The following DPP6 variants were observed in gnomAD, a reference collection of about 807,000 sequenced individuals.
DPP6 encodes the protein dipeptidyl peptidase like 6.
In DPP6, 69 loss-of-function variants were observed where a neutral mutation model predicts 122.6. The observed-to-expected ratio is 0.56, with a 90% CI of 0.46 to 0.69. The LOEUF (loss-of-function observed/expected upper bound fraction) is 0.69. Among genes scored for constraint, DPP6 ranks in the 30% least tolerant of loss-of-function variants. DPP6 has a pLI of 0.00. For missense variants in DPP6, 928 were observed against 1,116.9 expected (o/e 0.83, Z 2.41); for synonymous variants, 418 against 433.1 (o/e 0.97, Z 0.43).
intron 2 of DPP6, among the ~76,000 whole-genome samples, chr7:154,451,059 A>G (rs879575534): frequency 6.6e-6 from 1 of 151,990 alleles, no homozygotes; most frequent in Non-Finnish European, 1.5e-5. Flanking sequence ...GGCTGTCACG[A>G]GTGTCACTCA....
At chr7:153,781,300 T>C in the DPP6 span, among the ~76,000 whole-genome samples, 1 of 152,178 alleles carries the variant, frequency 6.6e-6, no homozygotes, top group Non-Finnish European at 1.5e-5. Flanking sequence ...GCCCTGAAAT[T>C]TGCTTCAATT....
At chr7:154,830,884 C>G (rs1460650063) in intron 16 of DPP6, among the ~76,000 whole-genome samples, 2 of 152,228 alleles carry the variant, frequency 1.3e-5, no homozygotes, top group Non-Finnish European at 2.9e-5. Flanking sequence ...TATCACCAGG[C>G]TTAAGATCCC....
At chr7:153,979,983 C>T (rs1796502006) in intron 1 of DPP6, among the ~76,000 whole-genome samples, 1 of 152,164 alleles carries the variant, frequency 6.6e-6, no homozygotes, top group Non-Finnish European at 1.5e-5. Flanking sequence ...CAATGTTCAT[C>T]AGGGATATTG....
chr7:153,843,589 T>C, the DPP6 span, among the ~76,000 whole-genome samples: 10 of 151,796 alleles, frequency 6.6e-5, no homozygotes, highest in Non-Finnish European at 1.2e-4. Context: ...TTAGTGAGGG[T>C]GGGGGTAGGT....
intron 1 of DPP6, among the ~76,000 whole-genome samples, chr7:153,919,847 G>A (rs1800549410): frequency 1.3e-5 from 2 of 152,128 alleles, no homozygotes; most frequent in East Asian, 1.9e-4. Context: ...GGAGTGGGGT[G>A]GATGTAATTG....
intron 2 of DPP6, among the ~76,000 whole-genome samples, chr7:154,462,616 G>T (rs938470147): frequency 6.6e-6 from 1 of 151,642 alleles, no homozygotes; most frequent in Non-Finnish European, 1.5e-5. Context: ...TATTTTATTT[G>T]CAGTGATTAT....
At chr7:154,827,633 G>T (rs1215163658) in intron 16 of DPP6, among the ~76,000 whole-genome samples, 1 of 151,190 alleles carries the variant, frequency 6.6e-6, no homozygotes, top group Non-Finnish European at 1.5e-5. Flanking sequence ...AGAGTGAGGA[G>T]GGGGTGTCTC....
At chr7:154,349,688 G>T (rs777531568) in intron 1 of DPP6, among the ~76,000 whole-genome samples, 7 of 152,058 alleles carry the variant, frequency 4.6e-5, no homozygotes, top group Non-Finnish European at 7.4e-5. Flanking sequence ...TAATATGTTC[G>T]CCTGTGTGAC....
chr7:154,601,280 T>G (rs1354704059), intron 5 of DPP6, among the ~76,000 whole-genome samples: 1 of 121,468 alleles, frequency 8.2e-6, no homozygotes, highest in Non-Finnish European at 1.9e-5. Flanking sequence ...TTACTTTTGC[T>G]GTGAATTACT....
At chr7:154,029,038 C>A (rs1799089420) in intron 1 of DPP6, among the ~76,000 whole-genome samples, 1 of 148,740 alleles carries the variant, frequency 6.7e-6, no homozygotes, top group Non-Finnish European at 1.5e-5. Context: ...GAGAGTCCGG[C>A]ACGGTGGGGA....
intron 5 of DPP6, among the ~76,000 whole-genome samples, chr7:154,575,947 ATATT>A (rs1204289647): frequency 2.6e-5 from 4 of 151,990 alleles, no homozygotes; most frequent in East Asian, 1.9e-4. Context: ...AGCATGTGAA[ATATT>A]TATTTGTCTC....
At chr7:154,040,409 A>T (rs1799701786) in intron 1 of DPP6, among the ~76,000 whole-genome samples, 1 of 150,780 alleles carries the variant, frequency 6.6e-6, no homozygotes, top group African/African-American at 2.5e-5. Flanking sequence ...ATAAGGCAGC[A>T]CGCTTCATGA....
intron 3 of DPP6, among the ~76,000 whole-genome samples, chr7:154,500,743 A>T (rs10452877): frequency 0.17 from 25,815 of 152,182 alleles, 2,523 homozygotes; most frequent in East Asian, 0.46. Flanking sequence ...CTTTATCAGC[A>T]GCCTGAAAAT....
intron 1 of DPP6, among the ~76,000 whole-genome samples, chr7:154,115,747 C>T (rs1474921699): frequency 2.0e-5 from 3 of 152,154 alleles, no homozygotes; most frequent in African/African-American, 7.2e-5. Context: ...GACTTTGAGT[C>T]TCAGCACTTT....
chr7:154,070,803 A>G (rs1304999810), intron 1 of DPP6, among the ~76,000 whole-genome samples: 3 of 152,210 alleles, frequency 2.0e-5, no homozygotes, highest in Admixed American at 6.5e-5. Context: ...ACCATTCCCA[A>G]TAAGTGAATT....
chr7:154,511,094 A>G (rs1200494717), intron 3 of DPP6, among the ~76,000 whole-genome samples: 1 of 152,134 alleles, frequency 6.6e-6, no homozygotes, highest in Non-Finnish European at 1.5e-5. Context: ...TGAAAAGGAA[A>G]ATTCGATATC....
intron 5 of DPP6, among the ~76,000 whole-genome samples, chr7:154,586,257 G>A (rs536768846): frequency 1.1e-4 from 17 of 152,252 alleles, no homozygotes; most frequent in Admixed American, 5.2e-4. Context: ...GGAGGCTGAG[G>A]CAGGAGGATT....
chr7:153,968,632 C>A (rs1420397170), intron 1 of DPP6: 1 of 151,690 alleles, frequency 6.6e-6, no homozygotes, highest in Non-Finnish European at 1.5e-5. Flanking sequence ...CTCCTGAAAA[C>A]CACTATTGTT....
intron 1 of DPP6, among the ~76,000 whole-genome samples, chr7:154,301,735 A>G (rs1805912948): frequency 2.0e-5 from 3 of 152,030 alleles, no homozygotes; most frequent in Non-Finnish European, 4.4e-5. Flanking sequence ...ATATGAATAA[A>G]AGGCAGTCCT....
Sources: allele counts gnomAD v4.1 joint callset (sites outside exome capture counted in the v4.1 genomes callset), GRCh38; gene constraint gnomAD v4.1.1; transcripts MANE v1.5; gene names NCBI Gene and HGNC (gene_info 2026-07-23, HGNC 2026-07-21).